ANTXR2: variants seen among roughly 807,000 people sequenced by gnomAD.
The protein encoded by ANTXR2 is anthrax toxin receptor 2.
A neutral mutation model predicts 73.7 loss-of-function variants in ANTXR2; 44 were observed. The observed-to-expected ratio is 0.60, with a 90% CI of 0.47 to 0.77. The LOEUF is 0.77. Ranked by LOEUF, ANTXR2 falls within the 30% of genes least tolerant of loss-of-function variation. ANTXR2 has a pLI of 0.00. For missense variants in ANTXR2, 604 were observed against 592.5 expected, an observed-to-expected ratio of 1.02 and a Z score of -0.20; for synonymous variants, 217 against 205.9, an observed-to-expected ratio of 1.05 and a Z score of -0.46.
chr4:80,055,966 A>G lies in ANTXR2; in HGVS notation c.344T>C (p.Val115Ala). Residue 115 changes from valine to alanine, a missense_variant, in exon 4 of 17, where the codon GTA becomes GCA. Coordinates refer to ENST00000403729, the MANE Select transcript of ANTXR2 (RefSeq NM_058172.6). Reference protein sequence around the residue: ...GLEDLKRVSPVGETYIHEGLK... With the variant: ...GLEDLKRVSPAGETYIHEGLK... ...TCCTTCATGGATATATGTCTCTCCT[A>G]CTGGACTAACACGTTTTAAATCCTC... 2 of 1,569,432 alleles carry G rather than the reference A, an allele frequency of 1.3e-6. 1 individual carries two copies. The highest frequency in any genetic ancestry group is 2.4e-5 in the South Asian group (2 of 83,944).
intron 16 of ANTXR2, among the ~76,000 whole-genome samples, chr4:79,910,521 AAG>A (rs1286707049): frequency 3.2e-4 from 35 of 110,044 alleles, no homozygotes; most frequent in Non-Finnish European, 4.9e-4. Context: ...AAAAAAAAAA[AAG>A]AAAAAAAAGA....
chr4:80,046,282 C>T (rs1156949660), intron 7 of ANTXR2, among the ~76,000 whole-genome samples: 1 of 151,688 alleles, frequency 6.6e-6, no homozygotes, highest in Non-Finnish European at 1.5e-5. Context: ...AGCAGTCTTG[C>T]TGTTTCATTA....
intron 12 of ANTXR2, among the ~76,000 whole-genome samples, chr4:80,000,420 A>C (rs191695439): frequency 3.8e-4 from 58 of 152,086 alleles, no homozygotes; most frequent in Non-Finnish European, 7.1e-4. Context: ...GTAAAGCAAT[A>C]TCAATTTTCT....
chr4:79,948,612 A>C (rs191783064), intron 16 of ANTXR2, among the ~76,000 whole-genome samples: 6 of 152,160 alleles, frequency 3.9e-5, no homozygotes, highest in Non-Finnish European at 8.8e-5. Context: ...GAATTTCTAA[A>C]CCCATTCAAT....
At chr4:79,979,853 A>G (rs1407779239) in intron 14 of ANTXR2, among the ~76,000 whole-genome samples, 1 of 46,008 alleles carries the variant, frequency 2.2e-5, no homozygotes, top group Non-Finnish European at 6.8e-5. Context: ...AATTTTAAGG[A>G]AAAAAAAGAT....
intron 3 of ANTXR2, among the ~76,000 whole-genome samples, chr4:80,067,327 C>T (rs1734550975): frequency 6.6e-6 from 1 of 152,220 alleles, no homozygotes; most frequent in Non-Finnish European, 1.5e-5. Context: ...TAAACCCCTT[C>T]CATGCGTATC....
At chr4:80,011,825 G>C (rs1172722544) in intron 11 of ANTXR2, among the ~76,000 whole-genome samples, 1 of 152,188 alleles carries the variant, frequency 6.6e-6, no homozygotes, top group Non-Finnish European at 1.5e-5. Context: ...AACACAATGG[G>C]AAAGCCTGAA....
intron 3 of ANTXR2, among the ~76,000 whole-genome samples, chr4:80,060,382 A>G (rs568950914): frequency 4.3e-4 from 66 of 152,274 alleles, no homozygotes; most frequent in Middle Eastern, 3.4e-3. Context: ...GATCTAACCT[A>G]ATTTTAAAAC....
intron 10 of ANTXR2, chr4:80,024,764 G>C (rs1298866398): frequency 1.4e-5 from 6 of 416,432 alleles, no homozygotes; most frequent in Non-Finnish European, 2.4e-5. Context: ...ACCTCAAAAA[G>C]AAAAAACTGA....
intron 12 of ANTXR2, among the ~76,000 whole-genome samples, chr4:79,998,968 C>T (rs189382798): frequency 3.3e-5 from 5 of 152,106 alleles, no homozygotes; most frequent in Admixed American, 6.6e-5. Flanking sequence ...GGAAAGCCCA[C>T]GCACACAGAG....
At chr4:80,047,785 T>C (rs1278243747) in intron 7 of ANTXR2, among the ~76,000 whole-genome samples, 3 of 151,716 alleles carry the variant, frequency 2.0e-5, no homozygotes, top group Non-Finnish European at 4.4e-5. Context: ...CAAAACTTAC[T>C]GAGAGAGAAG....
At chr4:79,921,647 A>G (rs1727591522) in intron 16 of ANTXR2, among the ~76,000 whole-genome samples, 1 of 152,084 alleles carries the variant, frequency 6.6e-6, no homozygotes. Flanking sequence ...AAGGGCAATT[A>G]TGGATTACTT....
At chr4:80,044,437 T>C (rs1460511712) in intron 7 of ANTXR2, among the ~76,000 whole-genome samples, 5 of 152,106 alleles carry the variant, frequency 3.3e-5, no homozygotes, top group East Asian at 1.9e-4. Flanking sequence ...CCTTTTCTTC[T>C]GGTATTTAAA....
intron 3 of ANTXR2, among the ~76,000 whole-genome samples, chr4:80,068,143 A>T (rs1186963770): frequency 6.6e-6 from 1 of 152,208 alleles, no homozygotes; most frequent in Non-Finnish European, 1.5e-5. Context: ...AATTTTCTAA[A>T]TCAATTAAGT....
chr4:80,055,960 T>C lies in ANTXR2; in HGVS notation c.350A>G (p.Glu117Gly). The change falls in exon 4 of 17, where the codon GAG (glutamate) becomes GGG (glycine). Residue 117 changes from glutamate (E) to glycine (G), a missense_variant. Physicochemically the swap from Glu to Gly is moderately conservative, Grantham distance 98. Coordinates refer to ENST00000403729, the MANE Select transcript of ANTXR2 (RefSeq NM_058172.6). ...EDLKRVSPVG[E>G]TYIHEGLKLA... ...CTTTAGTCCTTCATGGATATATGTC[T>C]CTCCTACTGGACTAACACGTTTTAA... 2 of 1,567,538 alleles carry C rather than the reference T, an allele frequency of 1.3e-6. No individual in the cohort carries two copies. The highest frequency in any genetic ancestry group is 1.7e-6 in the Non-Finnish European group (2 of 1,156,630).
chr4:80,054,276 T>A lies in ANTXR2; in HGVS notation c.632A>T (p.Asn211Ile). 6.3e-7 allele frequency: 1 copy of A among 1,594,664 alleles called. No individual in the cohort carries two copies. The highest frequency in any genetic ancestry group is 8.5e-7 in the Non-Finnish European group (1 of 1,170,166). Residue 211 changes from asparagine to isoleucine, a missense_variant, in exon 7 of 17, where the codon AAT becomes ATT. By Grantham distance (149) the Asn-to-Ile change is moderately radical. Coordinates refer to ENST00000403729, the MANE Select transcript of ANTXR2 (RefSeq NM_058172.6). Reference protein sequence around the residue: ...GGFQALKGIINSILAQSCTEI... With the variant: ...GGFQALKGIIISILAQSCTEI... ...TGCCCCCAGAGAAATACTCACAGAA[T>A]TAATTATTCCTTTAAGAGCCTGAAA...
chr4:80,073,405 T>TG (rs1734921116), upstream of ANTXR2: 1 of 152,208 alleles, frequency 6.6e-6, no homozygotes, highest in South Asian at 2.1e-4. Context: ...CCGTATGTCC[T>TG]GCAGGCCTGG....
intron 7 of ANTXR2, among the ~76,000 whole-genome samples, chr4:80,038,906 T>C (rs187913202): frequency 2.2e-4 from 33 of 152,180 alleles, no homozygotes; most frequent in African/African-American, 7.7e-4. Flanking sequence ...TCAACTCTTC[T>C]ACTAGAAAAC....
intron 7 of ANTXR2, among the ~76,000 whole-genome samples, chr4:80,036,302 G>T (rs1000816159): frequency 2.0e-5 from 3 of 152,072 alleles, no homozygotes; most frequent in African/African-American, 7.2e-5. Flanking sequence ...TTGTCTCAAA[G>T]TCTGATAACC....
Sources: gnomAD v4.1 joint callset for allele counts (sites outside exome capture counted in the v4.1 genomes callset) on GRCh38, gnomAD v4.1.1 for gene constraint, MANE v1.5 for transcripts, NCBI Gene and HGNC (gene_info 2026-07-23, HGNC 2026-07-21) for gene names.